NUBPL: variants seen among roughly 807,000 people sequenced by gnomAD.
NUBPL encodes the protein NUBP iron-sulfur cluster assembly factor, mitochondrial, also known as iron-sulfur cluster transfer protein NUBPL.
In NUBPL, 31 loss-of-function variants were observed where a neutral mutation model predicts 45.7. The observed-to-expected ratio is 0.68, with a 90% CI of 0.51 to 0.92. The LOEUF is 0.92. NUBPL is among the 40% of genes least tolerant of loss of function. NUBPL has a pLI of 0.00. For synonymous variants in NUBPL, 144 were observed against 140.9 expected (o/e 1.02, Z -0.15); for missense variants, 401 against 398.7 (o/e 1.01, Z -0.05).
chr14:31,735,346 T>C (rs966344666), intron 6 of NUBPL, among the ~76,000 whole-genome samples: 1 of 152,180 alleles, frequency 6.6e-6, no homozygotes, highest in African/African-American at 2.4e-5. Context: ...AATTACAGAT[T>C]GGATATTGTC....
intron 8 of NUBPL, among the ~76,000 whole-genome samples, chr14:31,841,480 G>A (rs1255657338): frequency 6.6e-6 from 1 of 151,916 alleles, no homozygotes; most frequent in African/African-American, 2.4e-5. Flanking sequence ...TGTATTATCT[G>A]GCTTTTCCTT....
chr14:31,735,545 T>A (rs1221629527), intron 6 of NUBPL, among the ~76,000 whole-genome samples: 1 of 152,136 alleles, frequency 6.6e-6, no homozygotes, highest in East Asian at 1.9e-4. Context: ...GAAATACATT[T>A]AAAAAATTTT....
intron 6 of NUBPL, among the ~76,000 whole-genome samples, chr14:31,715,336 G>T (rs1357736182): frequency 6.6e-6 from 1 of 152,084 alleles, no homozygotes; most frequent in African/African-American, 2.4e-5. Context: ...AACTAAATAA[G>T]CTAAGGTCAT....
chr14:31,839,273 T>A (rs911017666), intron 8 of NUBPL, among the ~76,000 whole-genome samples: 5 of 152,192 alleles, frequency 3.3e-5, no homozygotes, highest in African/African-American at 1.2e-4. Context: ...CCACTGTTTG[T>A]ATCCCAGAAA....
Position 31,579,887 on chromosome 14 carries a change from A to C in NUBPL, c.291+14839A>C, listed in dbSNP as rs145755587. Reference sequence around the variant, plus strand: ...ATGTTTCTTAATTAGTTAATTTAAAAAATTGAGGTGAAATTCATATTGATA... The same window carrying C: ...ATGTTTCTTAATTAGTTAATTTAAACAATTGAGGTGAAATTCATATTGATA... On this transcript the variant is annotated intron_variant, in intron 3 of 10. Coordinates refer to ENST00000281081, the MANE Select transcript of NUBPL (RefSeq NM_025152.3). Among the ~76,000 whole-genome samples the C allele has an allele frequency of 2.5e-3, 383 of 152,318 alleles. 1 individual carries two copies. Among genetic ancestry groups the C allele is most frequent in the African/African-American group, 8.4e-3 (350 of 41,580 alleles).
At chr14:31,753,093 A>G (rs1411873542) in intron 6 of NUBPL, among the ~76,000 whole-genome samples, 4 of 152,354 alleles carry the variant, frequency 2.6e-5, no homozygotes, top group Admixed American at 2.0e-4. Context: ...GAACCAAACC[A>G]TATCACAGCG....
intron 3 of NUBPL, among the ~76,000 whole-genome samples, chr14:31,586,970 G>GT (rs1201810409): frequency 1.3e-5 from 2 of 152,190 alleles, no homozygotes; most frequent in Non-Finnish European, 2.9e-5. Context: ...AACTCTCAGT[G>GT]TTTGGGACTC....
At chr14:31,635,047 C>G (rs2035451607) in intron 4 of NUBPL, among the ~76,000 whole-genome samples, 1 of 149,294 alleles carries the variant, frequency 6.7e-6, no homozygotes. Context: ...GTTGCCTGTT[C>G]ACTCTGATGG....
intron 8 of NUBPL, among the ~76,000 whole-genome samples, chr14:31,827,925 C>G (rs941329004): frequency 6.6e-6 from 1 of 152,164 alleles, no homozygotes; most frequent in African/African-American, 2.4e-5. Flanking sequence ...GGTGAATTTC[C>G]TCAAGTACCT....
At chr14:31,749,501 C>T (rs1282419607) in intron 6 of NUBPL, among the ~76,000 whole-genome samples, 1 of 152,058 alleles carries the variant, frequency 6.6e-6, no homozygotes, top group African/African-American at 2.4e-5. Flanking sequence ...ATTTTGTTTT[C>T]ACAGTTTAGA....
intron 6 of NUBPL, among the ~76,000 whole-genome samples, chr14:31,785,054 C>A (rs558023599): frequency 6.6e-6 from 1 of 152,168 alleles, no homozygotes; most frequent in South Asian, 2.1e-4. Context: ...GGAGTCTGAC[C>A]ACCCTGTCTA....
At chr14:31,804,838 A>C (rs962265489) in intron 7 of NUBPL, among the ~76,000 whole-genome samples, 1 of 152,204 alleles carries the variant, frequency 6.6e-6, no homozygotes, top group Non-Finnish European at 1.5e-5. Context: ...AAACCCTGGA[A>C]GACAACCTAG....
At chr14:31,839,628 C>T (rs1200857773) in intron 8 of NUBPL, among the ~76,000 whole-genome samples, 1 of 152,116 alleles carries the variant, frequency 6.6e-6, no homozygotes, top group Middle Eastern at 3.2e-3. Flanking sequence ...AGCTTCTGAA[C>T]AGCCAAGAAA....
At chr14:31,714,421 G>T (rs556710023) in intron 6 of NUBPL, 5 of 156,344 alleles carry the variant, frequency 3.2e-5, no homozygotes, top group Non-Finnish European at 7.0e-5. Context: ...TGATGGTTCT[G>T]CAGGGCATAC....
intron 6 of NUBPL, among the ~76,000 whole-genome samples, chr14:31,692,852 T>A (rs2037123903): frequency 6.6e-6 from 1 of 152,246 alleles, no homozygotes; most frequent in Non-Finnish European, 1.5e-5. Context: ...CAAAGGAGTT[T>A]GATACATAGT....
chr14:31,850,088 G>A (rs769527226), intron 9 of NUBPL, 31 bp from the exon 10 acceptor site: 1 of 1,556,866 alleles, frequency 6.4e-7, no homozygotes, highest in Non-Finnish European at 8.9e-7. Context: ...AACTTTTCTG[G>A]TTCTAATGGA....
chr14:31,810,719 T>C (rs545580963), intron 7 of NUBPL, among the ~76,000 whole-genome samples: 1 of 152,336 alleles, frequency 6.6e-6, no homozygotes, highest in East Asian at 1.9e-4. Flanking sequence ...GCATCAATGG[T>C]CTTTACACTT....
intron 8 of NUBPL, among the ~76,000 whole-genome samples, chr14:31,842,941 A>G (rs972757356): frequency 2.6e-5 from 4 of 152,128 alleles, no homozygotes; most frequent in Non-Finnish European, 5.9e-5. Context: ...AGAAATCCTA[A>G]TGTTTTCTTT....
In NUBPL at chr14:31,861,211, TA is replaced by T. The variant is rs1002446438; in HGVS notation, c.*2038del. 6 of 152,082 alleles carry T rather than the reference TA, an allele frequency of 3.9e-5. No homozygotes were observed. The highest frequency in any genetic ancestry group is 1.4e-4 in the African/African-American group (6 of 41,414). The allele number at this position is 152,082 out of a possible 1,614,324, so 9.4% of individuals were successfully genotyped here. The stretch of plus-strand genomic sequence containing the variant: ...ATTATCTCAAAATAAAAATAAAAGT[TA>T]AAAAAACACAAACTGCTATATCTGA... On this transcript the variant is annotated 3_prime_UTR_variant, in exon 11 of 11. Transcript: ENST00000281081.
Sources: allele counts gnomAD v4.1 joint callset (sites outside exome capture counted in the v4.1 genomes callset), GRCh38; gene constraint gnomAD v4.1.1; transcripts MANE v1.5; gene names NCBI Gene and HGNC (gene_info 2026-07-23, HGNC 2026-07-21).